CSMD3: variants seen among roughly 807,000 people sequenced by gnomAD.
CSMD3 encodes CUB and sushi domain-containing protein 3.
CSMD3 carries 177 observed loss-of-function variants against 435.2 expected under a neutral mutation model. The ratio of observed to expected loss-of-function variants is 0.41; its 90% CI spans 0.36 to 0.46. CSMD3 has a LOEUF of 0.46. Ranked by LOEUF, CSMD3 falls within the 20% of genes least tolerant of loss-of-function variation. The pLI, the probability that CSMD3 is intolerant of heterozygous loss-of-function variation, is 0.34. For missense variants in CSMD3, 4,265 were observed against 4,504.6 expected (o/e 0.95, Z 1.52); for synonymous variants, 1,656 against 1,520.5 (o/e 1.09, Z -2.07).
intron 11 of CSMD3, among the ~76,000 whole-genome samples, chr8:112,849,692 A>T (rs2080430117): frequency 6.6e-6 from 1 of 151,882 alleles, no homozygotes; most frequent in Admixed American, 6.6e-5. Context: ...CTAGATCAGG[A>T]GATAAAAACA....
chr8:112,268,506 C>CT (rs1252107695), intron 59 of CSMD3, among the ~76,000 whole-genome samples: 3 of 152,162 alleles, frequency 2.0e-5, no homozygotes, highest in African/African-American at 7.2e-5. Context: ...AGTCACATTA[C>CT]TTTTTTCACA....
intron 30 of CSMD3, 29 bp from the exon 31 acceptor site, chr8:112,492,712 T>C (rs1435361982): frequency 6.3e-7 from 1 of 1,586,320 alleles, no homozygotes; most frequent in Non-Finnish European, 8.7e-7. Context: ...ATAACATTAA[T>C]TGCTTTAAAA....
chr8:112,492,893 C>A (rs1586503318), intron 30 of CSMD3, among the ~76,000 whole-genome samples: 1 of 120,578 alleles, frequency 8.3e-6, no homozygotes, highest in African/African-American at 3.5e-5. Flanking sequence ...TACATCATAT[C>A]CTGTATTATT....
intron 38 of CSMD3, among the ~76,000 whole-genome samples, chr8:112,369,332 AG>A (rs1418159581): frequency 6.6e-6 from 1 of 152,150 alleles, no homozygotes; most frequent in African/African-American, 2.4e-5. Context: ...AAAACCCAAA[AG>A]CAAGATTTTT....
chr8:112,383,470 A>G, intron 37 of CSMD3, 97 bp downstream of exon 37: 1 of 732,544 alleles, frequency 1.4e-6, no homozygotes, highest in Non-Finnish European at 2.4e-6. Context: ...TAAAAAGCAA[A>G]TTAAAACTAC....
At chr8:112,297,371 T>C (rs1354537468) in intron 53 of CSMD3, among the ~76,000 whole-genome samples, 5 of 151,886 alleles carry the variant, frequency 3.3e-5, no homozygotes, top group Admixed American at 3.3e-4. Flanking sequence ...TCTAGTGACA[T>C]ATAAATGATA....
At chr8:113,298,090 A>G (rs1233563416) in intron 2 of CSMD3, among the ~76,000 whole-genome samples, 1 of 152,098 alleles carries the variant, frequency 6.6e-6, no homozygotes. Flanking sequence ...GAATAGTAAG[A>G]GCAATTAGAA....
chr8:113,355,412 A>C (rs2094215520), intron 1 of CSMD3, among the ~76,000 whole-genome samples: 1 of 152,048 alleles, frequency 6.6e-6, no homozygotes, highest in Admixed American at 6.6e-5. Flanking sequence ...GCAGTCCAAG[A>C]TCAAGGTATC....
At chr8:112,566,566 G>A (rs1010460474) in intron 24 of CSMD3, among the ~76,000 whole-genome samples, 2 of 151,980 alleles carry the variant, frequency 1.3e-5, no homozygotes, top group South Asian at 2.1e-4. Flanking sequence ...AATGAAAAGC[G>A]GCCACCAAAT....
At chr8:112,338,064 G>A (rs1014379520) in intron 42 of CSMD3, among the ~76,000 whole-genome samples, 16 of 152,104 alleles carry the variant, frequency 1.1e-4, no homozygotes, top group Non-Finnish European at 1.9e-4. Flanking sequence ...TTCTCTTCCA[G>A]AGAATGCAAT....
chr8:112,760,649 C>T (rs755315635), intron 13 of CSMD3, among the ~76,000 whole-genome samples: 5 of 152,110 alleles, frequency 3.3e-5, no homozygotes, highest in Non-Finnish European at 4.4e-5. Context: ...TAAAAATATT[C>T]TTATCATCAC....
chr8:112,937,672 C>T (rs1309613199), intron 9 of CSMD3, among the ~76,000 whole-genome samples: 2 of 151,940 alleles, frequency 1.3e-5, no homozygotes, highest in Non-Finnish European at 2.9e-5. Context: ...TTTTAAGGTG[C>T]CATCCCAAAG....
intron 11 of CSMD3, among the ~76,000 whole-genome samples, chr8:112,844,516 TTTC>T (rs2080263987): frequency 6.6e-6 from 1 of 152,000 alleles, no homozygotes; most frequent in African/African-American, 2.4e-5. Flanking sequence ...TCAAGGAATA[TTTC>T]TTAAGAGATA....
chr8:113,224,427 C>A (rs79814476), intron 3 of CSMD3, among the ~76,000 whole-genome samples: 4,717 of 151,246 alleles, frequency 0.031, 93 homozygotes, highest in Non-Finnish European at 0.052. Context: ...ATTACTATCC[C>A]TAACAAACAT....
intron 11 of CSMD3, among the ~76,000 whole-genome samples, chr8:112,850,359 T>C (rs576430551): frequency 3.2e-4 from 48 of 152,268 alleles, no homozygotes; most frequent in Non-Finnish European, 5.1e-4. Context: ...TAATGACAAA[T>C]ATACAATATT....
chr8:113,383,860 T>G lies in CSMD3; in HGVS notation c.178+52817A>C, dbSNP rs1052627536. Reference sequence around the variant, plus strand: ...TGGTTTCCTTTATTCAAATGCTGCTTGTCTCCACCAGCTGGGTGACCACAC... The same window carrying G: ...TGGTTTCCTTTATTCAAATGCTGCTGGTCTCCACCAGCTGGGTGACCACAC... On this transcript the variant is annotated intron_variant, in intron 1 of 70. Transcript: ENST00000297405. 7.9e-5 allele frequency among the ~76,000 whole-genome samples: 12 copies of G among 152,156 alleles called. 1 individual carries two copies. The highest frequency in any genetic ancestry group is 5.9e-5 in the Non-Finnish European group (4 of 68,016).
intron 3 of CSMD3, among the ~76,000 whole-genome samples, chr8:113,247,949 T>C (rs1441321335): frequency 6.6e-6 from 1 of 152,076 alleles, no homozygotes. Context: ...ATATTATCTT[T>C]TGCATGTATT....
chr8:112,649,089 C>G (rs984893861), intron 19 of CSMD3, among the ~76,000 whole-genome samples: 1 of 152,154 alleles, frequency 6.6e-6, no homozygotes, highest in African/African-American at 2.4e-5. Context: ...ACGGAAAAAG[C>G]CTGTCTGCAG....
At chr8:112,270,581 A>C (rs1038013995) in intron 59 of CSMD3, among the ~76,000 whole-genome samples, 1 of 152,142 alleles carries the variant, frequency 6.6e-6, no homozygotes, top group African/African-American at 2.4e-5. Context: ...CTGTCTTCTC[A>C]GTTCCTAGCA....
Sources: allele counts gnomAD v4.1 joint callset (sites outside exome capture counted in the v4.1 genomes callset), GRCh38; gene constraint gnomAD v4.1.1; transcripts MANE v1.5; gene names NCBI Gene and HGNC (gene_info 2026-07-23, HGNC 2026-07-21).